Variants in NCOR1 observed in about 807,000 individuals in gnomAD.
NCOR1 encodes the protein nuclear receptor corepressor 1, also known as protein phosphatase 1, regulatory subunit 109.
A neutral mutation model predicts 288.1 loss-of-function variants in NCOR1; 63 were observed. The ratio of observed to expected loss-of-function variants is 0.22; its 90% CI spans 0.18 to 0.27. NCOR1 has a LOEUF of 0.27. Among genes scored for constraint, NCOR1 ranks in the 10% least tolerant of loss-of-function variants. The pLI is 1.00. For missense variants in NCOR1, 2,397 were observed against 3,019.2 expected (o/e 0.79, Z 4.83); for synonymous variants, 1,007 against 1,065.9 (o/e 0.94, Z 1.08).
intron 19 of NCOR1, among the ~76,000 whole-genome samples, chr17:16,102,549 T>C (rs529992654): frequency 1.4e-4 from 22 of 152,250 alleles, no homozygotes; most frequent in Middle Eastern, 3.4e-3. Context: ...TTTTTTTGGG[T>C]ACTAAATCTT....
chr17:16,176,217 C>T (rs139400668), intron 3 of NCOR1, among the ~76,000 whole-genome samples: 1,722 of 151,904 alleles, frequency 0.011, 14 homozygotes, highest in South Asian at 0.019. Context: ...AAAACTCCAT[C>T]TCAAAAAAAG....
chr17:16,175,032 GTA>G (rs200848434), intron 3 of NCOR1, among the ~76,000 whole-genome samples: 7,465 of 150,306 alleles, frequency 0.05, 219 homozygotes, highest in African/African-American at 0.094. Flanking sequence ...ATAAACTGTG[GTA>G]TAAAAAAAAA....
In NCOR1 at chr17:16,161,123, T is replaced by C. The variant is rs373327395; in HGVS notation, c.619-2250A>G. 1.5e-4 allele frequency among the ~76,000 whole-genome samples: 23 copies of C among 152,180 alleles called. 1 individual carries two copies. The East Asian group carries it at 2.9e-3, about 19-fold the overall frequency. On this transcript the variant is annotated intron_variant, in intron 5 of 45. Coordinates refer to ENST00000268712, the MANE Select transcript of NCOR1 (RefSeq NM_006311.4). Reference sequence around the variant, plus strand: ...TTTCTTTCCTGCTTAGAGGGCCTTCTTTTAGAATCCTTGTTAAGGAATAAA... The same window carrying C: ...TTTCTTTCCTGCTTAGAGGGCCTTCCTTTAGAATCCTTGTTAAGGAATAAA...
At chr17:16,047,877 AAG>A (rs1185516485) in intron 41 of NCOR1, among the ~76,000 whole-genome samples, 2 of 152,226 alleles carry the variant, frequency 1.3e-5, no homozygotes, top group Non-Finnish European at 2.9e-5. Context: ...GAACAGGAAT[AAG>A]ACATGGTCCC....
chr17:16,139,085 C>G lies in NCOR1; in HGVS notation c.1275G>C (p.Glu425Asp). 1 of 1,612,694 alleles carries G rather than the reference C, an allele frequency of 6.2e-7. No individual in the cohort carries two copies. Among genetic ancestry groups the G allele is most frequent in the Admixed American group, 1.7e-5 (1 of 59,884 alleles). ...VKFINMNGLM[E>D]DPMKVYKDRQ... ...TATCTTTATACACTTTCATAGGGTC[C>G]TCCATAAGCCCATTCATGTTAATGA... Residue 425 changes from glutamate to aspartate, a missense_variant, in exon 12 of 46, where the codon GAG becomes GAC. Transcript: ENST00000268712.
intron 2 of NCOR1, among the ~76,000 whole-genome samples, chr17:16,189,636 A>G (rs1279913119): frequency 6.6e-6 from 1 of 152,180 alleles, no homozygotes; most frequent in Non-Finnish European, 1.5e-5. Flanking sequence ...ATTCTGAAAA[A>G]TAATAGAACA....
intron 21 of NCOR1, among the ~76,000 whole-genome samples, chr17:16,092,705 T>A (rs1364210872): frequency 2.0e-4 from 19 of 95,358 alleles, no homozygotes; most frequent in African/African-American, 4.8e-4. Context: ...ATTTTTTTTT[T>A]TTTTTTTTTT....
intron 42 of NCOR1, chr17:16,044,972 A>C: frequency 1.8e-6 from 1 of 545,556 alleles, no homozygotes; most frequent in Admixed American, 2.9e-5. Context: ...ATTTCTTATA[A>C]CGTGTTCAAT....
intron 21 of NCOR1, among the ~76,000 whole-genome samples, chr17:16,094,581 T>C (rs1001677194): frequency 5.3e-5 from 8 of 151,458 alleles, no homozygotes; most frequent in South Asian, 2.1e-4. Flanking sequence ...CTCCCCTCTC[T>C]CCTCCCCTTT....
At chr17:16,131,683 G>A (rs975404735) in intron 14 of NCOR1, among the ~76,000 whole-genome samples, 1 of 152,120 alleles carries the variant, frequency 6.6e-6, no homozygotes, top group Non-Finnish European at 1.5e-5. Flanking sequence ...AATATCTTAA[G>A]CCTATCTTAT....
In NCOR1 at chr17:16,209,944, C is replaced by CT. The variant is rs775031686; in HGVS notation, c.-71+5417dup. ...CCAGCCTGGGCAATAGAGTGAGACTCTGTCAAAAAAAAAAATGTTCATGTT... is the reference window on the plus strand; with the variant it reads ...CCAGCCTGGGCAATAGAGTGAGACTCTTGTCAAAAAAAAAAATGTTCATGTT... On this transcript the variant is annotated intron_variant, in intron 1 of 45. Transcript: ENST00000268712. Among the ~76,000 whole-genome samples, 15 of 149,694 alleles carry CT rather than the reference C, an allele frequency of 1.0e-4. No individual in the cohort carries two copies. In the East Asian group the frequency reaches 3.0e-3, roughly 30 times the overall value.
At position 16,032,266 on chromosome 17, in the gene NCOR1, C is replaced by G; in HGVS notation, c.*30G>C. ...ACCACAAAAACTAGAGATCCCTCTC[C>G]TGCACCCTGTTCCCCTCACTTTGTG... On this transcript the variant is annotated 3_prime_UTR_variant, in exon 46 of 46. Transcript: ENST00000268712. The G allele has an allele frequency of 6.4e-7, 1 of 1,574,134 alleles. No homozygotes were observed. The highest frequency in any genetic ancestry group is 8.6e-7 in the Non-Finnish European group (1 of 1,165,564).
Position 16,108,828 on chromosome 17 carries a change from T to C in NCOR1, c.2140A>G (p.Ile714Val), listed in dbSNP as rs754382687. The stretch of plus-strand genomic sequence containing the variant: ...TTTTCTTCTTCATTGGAGGCTTCAA[T>C]ATCTTCATCCTCCTGAGCAGAAACA... The part of the protein sequence containing the change: ...STVSAQEDED[I>V]EASNEEENPE... The change falls in exon 19 of 46, where the codon ATT (isoleucine) becomes GTT (valine). Residue 714 changes from isoleucine (I) to valine (V), a missense_variant. By Grantham distance (29) the Ile-to-Val change is conservative. Around this residue, in one of 11 missense-constraint regions of NCOR1, gnomAD observed 1,872 missense variants for 2,187.8 expected, o/e 0.86. Transcript: ENST00000268712. 6.2e-7 allele frequency: 1 copy of C among 1,606,676 alleles called. No individual in the cohort carries two copies.
At chr17:16,137,555 G>A in intron 13 of NCOR1, 143 bp from the exon 14 acceptor site, 1 of 488,202 alleles carries the variant, frequency 2.0e-6, no homozygotes, top group Non-Finnish European at 3.5e-6. Context: ...GCATTTTAAG[G>A]CATATCTAGG....
chr17:16,138,172 A>G lies in NCOR1; in HGVS notation c.1393T>C (p.Tyr465His), dbSNP rs1247447608. The G allele has an allele frequency of 6.2e-7, 1 of 1,612,866 alleles. No individual in the cohort carries two copies. The highest frequency in any genetic ancestry group is 1.3e-5 in the African/African-American group (1 of 74,872). ...HPKNFGLIAS[Y>H]LERKSVPDCV... ...CCATGTCTTACCTTCCTCTCCAAGT[A>G]TGATGCAATTAGTCCAAAGTTTTTT... The change falls in exon 13 of 46, where the codon TAC becomes CAC. Residue 465 changes from tyrosine (Y) to histidine (H), a missense_variant. Physicochemically the swap from Tyr to His is moderately conservative, Grantham distance 83. Around this residue, in one of 11 missense-constraint regions of NCOR1, gnomAD observed 80 missense variants for 100.3 expected, o/e 0.80. Transcript: ENST00000268712.
At chr17:16,096,217 CTTGT>C (rs1223153385) in intron 21 of NCOR1, among the ~76,000 whole-genome samples, 3 of 152,128 alleles carry the variant, frequency 2.0e-5, no homozygotes, top group African/African-American at 7.2e-5. Context: ...CCTTTGTTCA[CTTGT>C]TTGTCTGCTG....
chr17:16,100,909 C>T (rs2067502391), intron 20 of NCOR1, among the ~76,000 whole-genome samples: 1 of 152,212 alleles, frequency 6.6e-6, no homozygotes, highest in Non-Finnish European at 1.5e-5. Flanking sequence ...CTCTAGCCTC[C>T]ACCTTCTTCT....
chr17:16,176,543 G>C (rs1160707249), intron 3 of NCOR1, among the ~76,000 whole-genome samples: 1 of 150,538 alleles, frequency 6.6e-6, no homozygotes, highest in Non-Finnish European at 1.5e-5. Flanking sequence ...TGCTGGGACT[G>C]CAGGTGTGAG....
chr17:16,153,562 T>A (rs1056982951), intron 6 of NCOR1, among the ~76,000 whole-genome samples, 167 bp from the exon 7 acceptor site: 1 of 152,232 alleles, frequency 6.6e-6, no homozygotes, highest in African/African-American at 2.4e-5. Context: ...AGTTATTTTT[T>A]ATTTTTTCTT....
Sources: allele counts gnomAD v4.1 joint callset (sites outside exome capture counted in the v4.1 genomes callset), GRCh38; gene constraint gnomAD v4.1.1; regional missense constraint gnomAD v4.1.1; transcripts MANE v1.5; gene names NCBI Gene and HGNC (gene_info 2026-07-23, HGNC 2026-07-21).